MBNL2: variants seen among roughly 807,000 people sequenced by gnomAD.
The protein encoded by MBNL2 is muscleblind-like protein 2.
MBNL2 carries 17 observed loss-of-function variants against 41.9 expected under a neutral mutation model. The ratio of observed to expected loss-of-function variants is 0.41; its 90% CI spans 0.28 to 0.61. The LOEUF (loss-of-function observed/expected upper bound fraction) is 0.61. Ranked by LOEUF, MBNL2 falls within the 20% of genes least tolerant of loss-of-function variation. MBNL2 has a pLI of 0.35. For missense variants in MBNL2, 336 were observed against 505.6 expected (o/e 0.66, Z 3.22); for synonymous variants, 195 against 182.9 (o/e 1.07, Z -0.53).
intron 2 of MBNL2, among the ~76,000 whole-genome samples, 164 bp downstream of exon 2, chr13:97,276,573 CA>C (rs1184034114): frequency 6.6e-6 from 1 of 152,082 alleles, no homozygotes; most frequent in Non-Finnish European, 1.5e-5. Context: ...TCATATCAGG[CA>C]TATATAAATT....
chr13:97,155,695 T>C, the MBNL2 span, among the ~76,000 whole-genome samples: 14 of 152,056 alleles, frequency 9.2e-5, no homozygotes, highest in South Asian at 2.7e-3. Context: ...TGGTTTCCAA[T>C]TTCATCCATG....
intron 1 of MBNL2, among the ~76,000 whole-genome samples, chr13:97,257,113 T>G (rs970076137): frequency 1.2e-4 from 18 of 152,158 alleles, no homozygotes; most frequent in African/African-American, 4.3e-4. Flanking sequence ...GGTAACCCTG[T>G]GATAATCTGC....
the MBNL2 span, among the ~76,000 whole-genome samples, chr13:97,141,998 T>C: frequency 6.6e-6 from 1 of 152,194 alleles, no homozygotes; most frequent in East Asian, 1.9e-4. Context: ...TAGTATTTTT[T>C]ACCTAAGGAA....
At chr13:97,347,106 TCTGCGGAGGCCG>T (rs756152847) in intron 5 of MBNL2, 39 bp downstream of exon 5, 2 of 1,454,348 alleles carry the variant, frequency 1.4e-6, no homozygotes, top group South Asian at 2.8e-5. Context: ...CCCCGGCGCC[TCTGCGGAGGCCG>T]CTCCGGGCTG....
chr13:97,263,587 T>C (rs183942230), intron 1 of MBNL2, among the ~76,000 whole-genome samples: 15 of 152,302 alleles, frequency 9.8e-5, no homozygotes, highest in African/African-American at 3.6e-4. Context: ...GCAATGGACG[T>C]GACTCCCTTG....
At chr13:97,218,419 C>CA (rs142053801), upstream of MBNL2, among the ~76,000 whole-genome samples, 2 of 24,962 alleles carry the variant, frequency 8.0e-5, no homozygotes, top group African/African-American at 1.7e-4. Flanking sequence ...CAAAAAAAAA[C>CA]AAAAACAAAA....
chr13:97,217,050 AATATATAC>A (rs1393726109), upstream of MBNL2, among the ~76,000 whole-genome samples: 1 of 146,694 alleles, frequency 6.8e-6, no homozygotes, highest in Admixed American at 6.8e-5. Flanking sequence ...CATAATATGT[AATATATAC>A]ATATATACAC....
At chr13:97,374,298 C>T (rs1279320046) in intron 8 of MBNL2, among the ~76,000 whole-genome samples, 1 of 151,724 alleles carries the variant, frequency 6.6e-6, no homozygotes, top group Admixed American at 6.6e-5. Context: ...CAGGCGCCCG[C>T]CACTACGCCC....
intron 1 of MBNL2, among the ~76,000 whole-genome samples, chr13:97,256,349 T>A (rs2047522071): frequency 6.6e-6 from 1 of 150,428 alleles, no homozygotes; most frequent in South Asian, 2.1e-4. Flanking sequence ...TTTTTTTTAA[T>A]CAATTTTTTT....
the MBNL2 span, among the ~76,000 whole-genome samples, chr13:97,186,637 G>A: frequency 6.6e-6 from 1 of 152,110 alleles, no homozygotes; most frequent in Non-Finnish European, 1.5e-5. Context: ...ACTATATTGG[G>A]CCTTCATTGG....
the MBNL2 span, among the ~76,000 whole-genome samples, chr13:97,176,575 G>A: frequency 2.2e-4 from 34 of 152,146 alleles, no homozygotes; most frequent in Admixed American, 2.2e-3. Flanking sequence ...ATACTCACCT[G>A]GACTTCCACG....
Position 97,342,994 on chromosome 13 carries a change from CTG to C in MBNL2, c.340-18_340-17del. 1 of 1,466,258 alleles carries C rather than the reference CTG, an allele frequency of 6.8e-7. No individual in the cohort carries two copies. The highest frequency in any genetic ancestry group is 1.1e-5 in the South Asian group (1 of 87,010). 90.8% of individuals were successfully genotyped at this position (1,466,258 alleles called of 1,614,324 possible). A position where few individuals can be genotyped will look rare whatever the true frequency, so the allele number is the denominator to read the frequency against. On this transcript the variant is annotated intron_variant, in intron 3 of 8. Transcript: ENST00000679496. Reference sequence around the variant, plus strand: ...GTTTTATTCTAAATAACTCTTTCTCCTGTGTTGTCTTCCTTTAACAGCCCACT... The same window carrying C: ...GTTTTATTCTAAATAACTCTTTCTCCTGTTGTCTTCCTTTAACAGCCCACT...
At chr13:97,229,566 A>T (rs1034606809) in intron 1 of MBNL2, among the ~76,000 whole-genome samples, 1 of 152,184 alleles carries the variant, frequency 6.6e-6, no homozygotes, top group Non-Finnish European at 1.5e-5. Flanking sequence ...AAACATTCTG[A>T]TAAGAATGTA....
In MBNL2 at chr13:97,224,174, G is replaced by A. The variant is rs115684677; in HGVS notation, c.-605+1643G>A. ...TCTGGCCTGACTCCCCCTTGGTGCA[G>A]CCCAGCGCTGCCACCTGGGTGGATG... On this transcript the variant is annotated intron_variant, in intron 1 of 8. Coordinates refer to ENST00000679496, the MANE Select transcript of MBNL2 (RefSeq NM_001382683.1). 8.9e-3 allele frequency among the ~76,000 whole-genome samples: 1,356 copies of A among 152,284 alleles called. 20 individuals are homozygous for A. Among genetic ancestry groups the A allele is most frequent in the African/African-American group, 0.031 (1,298 of 41,532 alleles).
chr13:97,186,211 G>C, the MBNL2 span, among the ~76,000 whole-genome samples: 2 of 152,136 alleles, frequency 1.3e-5, no homozygotes, highest in African/African-American at 4.8e-5. Context: ...CTGATTTTTA[G>C]ACCCATACTT....
the MBNL2 span, among the ~76,000 whole-genome samples, chr13:97,142,776 G>A: frequency 6.6e-6 from 1 of 152,192 alleles, no homozygotes; most frequent in East Asian, 1.9e-4. Context: ...TTCCCTAAAG[G>A]GAAATCTCAG....
In MBNL2 at chr13:97,283,432, AC is replaced by A. The variant is rs531340394; in HGVS notation, c.174+7028del. Among the ~76,000 whole-genome samples, 8 of 151,004 alleles carry A rather than the reference AC, an allele frequency of 5.3e-5. No homozygotes were observed. The South Asian group carries it at 1.7e-3, about 32-fold the overall frequency. On this transcript the variant is annotated intron_variant, in intron 2 of 8. Coordinates refer to ENST00000679496, the MANE Select transcript of MBNL2 (RefSeq NM_001382683.1). ...AACTCTTGCCTTCCTACTACAATCC[AC>A]CCCCACCCCTGGGTGCCTTGTTCCC... is the stretch of plus-strand genomic sequence containing the variant.
chr13:97,199,272 C>T, the MBNL2 span, among the ~76,000 whole-genome samples: 1 of 152,168 alleles, frequency 6.6e-6, no homozygotes, highest in Non-Finnish European at 1.5e-5. Flanking sequence ...CTCCTAACCA[C>T]CCTTTTGAAA....
the MBNL2 span, among the ~76,000 whole-genome samples, chr13:97,208,959 T>A: frequency 6.6e-6 from 1 of 152,208 alleles, no homozygotes; most frequent in African/African-American, 2.4e-5. Flanking sequence ...AAACTGAGAA[T>A]GTACACTTAA....
Sources: gnomAD v4.1 joint callset for allele counts (sites outside exome capture counted in the v4.1 genomes callset) on GRCh38, gnomAD v4.1.1 for gene constraint, MANE v1.5 for transcripts, NCBI Gene and HGNC (gene_info 2026-07-23, HGNC 2026-07-21) for gene names.